HAS3: variants seen among roughly 807,000 people sequenced by gnomAD.
HAS3 encodes the protein hyaluronan synthase 3.
Under a neutral mutation model 50.3 loss-of-function variants are expected in HAS3, and 27 were observed. The ratio of observed to expected loss-of-function variants is 0.54; its 90% CI spans 0.40 to 0.74. The LOEUF is 0.74. Ranked by LOEUF, HAS3 falls within the 30% of genes least tolerant of loss-of-function variation. The probability of loss-of-function intolerance (pLI) is 0.00; values close to 1 mark genes in which losing one functional copy is unlikely to be tolerated. For synonymous variants in HAS3, 339 were observed against 310.9 expected, an observed-to-expected ratio of 1.09 and a Z score of -0.95; for missense variants, 517 against 742.8, an observed-to-expected ratio of 0.70 and a Z score of 3.53.
chr16:69,087,389 C>G, the HAS3 span, among the ~76,000 whole-genome samples: 1 of 152,350 alleles, frequency 6.6e-6, no homozygotes, highest in African/African-American at 2.4e-5. Flanking sequence ...AGTTTCCCCT[C>G]TCTGCTTTGT....
At chr16:69,100,802 G>T (rs546310521), upstream of HAS3, among the ~76,000 whole-genome samples, 12 of 152,344 alleles carry the variant, frequency 7.9e-5, no homozygotes, top group Non-Finnish European at 1.5e-4. Flanking sequence ...GTCAGCTTCA[G>T]TTACCTCCAA....
downstream of HAS3, chr16:69,118,133 A>AC: frequency 6.8e-6 from 1 of 148,006 alleles, no homozygotes; most frequent in South Asian, 5.4e-5. Context: ...CCCCACCCCC[A>AC]CCCTAATTCC....
At position 69,107,422 on chromosome 16, in the gene HAS3, C is replaced by T. The variant is rs1177647975; in HGVS notation, c.-1+1635C>T. The stretch of plus-strand genomic sequence containing the variant: ...CCAGGAAGAGCAGGGCCTGGTCCGA[C>T]TGGGATCCCTTGGGTTTTCCGTTCC... On this transcript the variant is annotated intron_variant, in intron 1 of 3. Coordinates refer to ENST00000569188, the MANE Select transcript of HAS3 (RefSeq NM_001199280.2). The surrounding 1 kb of genome is among the most constrained non-coding windows in gnomAD (Gnocchi z 5.5). 7.1e-6 allele frequency: 7 copies of T among 985,564 alleles called. No individual in the cohort carries two copies. The African/African-American group carries it at 1.2e-4, about 17-fold the overall frequency. The allele number at this position is 985,564 out of a possible 1,614,324, so 61.1% of individuals were successfully genotyped here.
downstream of HAS3, chr16:69,118,634 T>C (rs1417536263): frequency 2.8e-6 from 2 of 702,068 alleles, no homozygotes. Flanking sequence ...ATCCTTTCTC[T>C]CAAGGGCAGG....
At position 69,109,916 on chromosome 16, in the gene HAS3, T is replaced by C. The variant is rs909522232; in HGVS notation, c.521T>C (p.Val174Ala). The change falls in exon 2 of 4, where the codon GTG becomes GCG. Residue 174 changes from valine to alanine, a missense_variant. Transcript: ENST00000569188. The surrounding 1 kb of genome is among the most constrained non-coding windows in gnomAD (Gnocchi z 5.3). ...AGCCTGCAGGAGGGCATGGACCGTG[T>C]GCGGGATGTGGTGCGGGCCAGCACC... ...EASLQEGMDR[V>A]RDVVRASTFS... 1 of 1,614,040 alleles carries C rather than the reference T, an allele frequency of 6.2e-7. No individual in the cohort carries two copies. Among genetic ancestry groups the C allele is most frequent in the Non-Finnish European group, 8.5e-7 (1 of 1,180,000 alleles).
At chr16:69,112,423 T>C (rs1191304902) in intron 2 of HAS3, among the ~76,000 whole-genome samples, 1 of 152,162 alleles carries the variant, frequency 6.6e-6, no homozygotes, top group Non-Finnish European at 1.5e-5. Context: ...TTCTACTGCT[T>C]ATCTGTGGCC....
the HAS3 span, among the ~76,000 whole-genome samples, chr16:69,098,264 A>G: frequency 6.6e-6 from 1 of 152,108 alleles, no homozygotes; most frequent in Non-Finnish European, 1.5e-5. Context: ...CAAGCTACTC[A>G]GGAGGCTGAG....
chr16:69,101,273 TG>T (rs1278199373), upstream of HAS3, among the ~76,000 whole-genome samples: 3 of 152,190 alleles, frequency 2.0e-5, no homozygotes, highest in Admixed American at 6.6e-5. Context: ...CAGGCCCGGC[TG>T]GAACAGGCCC....
chr16:69,106,377 G>C lies in HAS3; in HGVS notation c.-1+590G>C, dbSNP rs1012120066. On this transcript the variant is annotated intron_variant, in intron 1 of 3. Transcript: ENST00000569188. This position sits in a 1 kb window ranked among gnomAD's most constrained non-coding sequence, Gnocchi z 5.5. ...GCCGCGCGGGGCTGCGCCGAGGCCG[G>C]GGCGCGCCGGGTGGCAGGGGTGCCT... 6.8e-6 allele frequency: 1 copy of C among 147,296 alleles called. No homozygotes were observed. Among genetic ancestry groups the C allele is most frequent in the East Asian group, 2.0e-4 (1 of 5,094 alleles). 9.1% of individuals were successfully genotyped at this position (147,296 alleles called of 1,614,324 possible).
At chr16:69,099,952 C>T in the HAS3 span, among the ~76,000 whole-genome samples, 1 of 151,996 alleles carries the variant, frequency 6.6e-6, no homozygotes, top group Non-Finnish European at 1.5e-5. Flanking sequence ...TCTAGTGTGC[C>T]CCTCCTAATC....
chr16:69,091,722 T>C, the HAS3 span, among the ~76,000 whole-genome samples: 2 of 152,336 alleles, frequency 1.3e-5, no homozygotes, highest in East Asian at 1.9e-4. Flanking sequence ...CAAATACTAA[T>C]TAGTGGCTTA....
At chr16:69,091,780 T>TG in the HAS3 span, among the ~76,000 whole-genome samples, 1 of 152,320 alleles carries the variant, frequency 6.6e-6, no homozygotes, top group East Asian at 1.9e-4. Flanking sequence ...AGAGAAATCT[T>TG]GAGCCCCTGC....
At position 69,109,327 on chromosome 16, in the gene HAS3, A is replaced by G. The variant is rs1960913676; in HGVS notation, c.1-69A>G. The G allele has an allele frequency of 4.4e-5, 65 of 1,471,728 alleles. No homozygotes were observed. Among genetic ancestry groups the G allele is most frequent in the Non-Finnish European group, 6.0e-5 (65 of 1,090,712 alleles). 91.2% of individuals were successfully genotyped at this position (1,471,728 alleles called of 1,614,324 possible). On this transcript the variant is annotated intron_variant, in intron 1 of 3. Coordinates refer to ENST00000569188, the MANE Select transcript of HAS3 (RefSeq NM_001199280.2). This position sits in a 1 kb window ranked among gnomAD's most constrained non-coding sequence, Gnocchi z 5.3. ...GTCATGTCCACTAGTAACAGAGAACACCCATGCTCCCACGGACTGGAAATG... is the reference window on the plus strand; with the variant it reads ...GTCATGTCCACTAGTAACAGAGAACGCCCATGCTCCCACGGACTGGAAATG...
rs1008131158 is a variant in HAS3, at chr16:69,115,339, G to C, written c.*73G>C. 1 of 1,475,862 alleles carries C rather than the reference G, an allele frequency of 6.8e-7. No homozygotes were observed. The highest frequency in any genetic ancestry group is 8.9e-7 in the Non-Finnish European group (1 of 1,119,318). 91.4% of individuals were successfully genotyped at this position (1,475,862 alleles called of 1,614,324 possible). On this transcript the variant is annotated 3_prime_UTR_variant, in exon 4 of 4. Transcript: ENST00000569188. ...AGGGGAATGGAAGAGAAAAGACAGG[G>C]TGGGAGGGAGGAGGGAGTGCTGTGT... is the stretch of plus-strand genomic sequence containing the variant.
At chr16:69,086,121 G>A in the HAS3 span, among the ~76,000 whole-genome samples, 1 of 151,854 alleles carries the variant, frequency 6.6e-6, no homozygotes, top group East Asian at 1.9e-4. Flanking sequence ...TCCTTACTCG[G>A]TTTCCTAAAG....
upstream of HAS3, among the ~76,000 whole-genome samples, chr16:69,101,327 GTC>G (rs1375869669): frequency 1.3e-5 from 2 of 152,150 alleles, no homozygotes; most frequent in East Asian, 3.9e-4. Flanking sequence ...TTGAGGCAAA[GTC>G]TTACTCTGTC....
rs1382233544 is a variant in HAS3, at chr16:69,107,685, C to G, written c.1-1711C>G. The G allele has an allele frequency of 1.0e-6, 1 of 985,428 alleles. No individual in the cohort carries two copies. Among genetic ancestry groups the G allele is most frequent in the Non-Finnish European group, 1.2e-6 (1 of 830,024 alleles). 61.0% of individuals were successfully genotyped at this position (985,428 alleles called of 1,614,324 possible). ...GGCAGGCAGGGGGGTCCCGCCGCGC[C>G]CCTTCAGCATGTAAGCTCCGGAGGG... is the stretch of plus-strand genomic sequence containing the variant. On this transcript the variant is annotated intron_variant, in intron 1 of 3. Coordinates refer to ENST00000569188, the MANE Select transcript of HAS3 (RefSeq NM_001199280.2). This position sits in a 1 kb window ranked among gnomAD's most constrained non-coding sequence, Gnocchi z 5.5.
At chr16:69,102,211 A>G (rs868388564), upstream of HAS3, among the ~76,000 whole-genome samples, 8 of 152,222 alleles carry the variant, frequency 5.3e-5, no homozygotes, top group Admixed American at 1.3e-4. Flanking sequence ...CGTTTGTTAA[A>G]TGAGTGTTGT....
intron 3 of HAS3, 134 bp downstream of exon 3, chr16:69,113,676 C>A (rs1051410232): frequency 4.0e-5 from 24 of 604,676 alleles, no homozygotes; most frequent in Non-Finnish European, 6.2e-5. Flanking sequence ...TTTTCACTGA[C>A]ACCAAAGAGC....
Sources: gnomAD v4.1 joint callset for allele counts (sites outside exome capture counted in the v4.1 genomes callset) on GRCh38, gnomAD v4.1.1 for gene constraint, Gnocchi (gnomAD v3.1) non-coding constraint, MANE v1.5 for transcripts, NCBI Gene and HGNC (gene_info 2026-07-23, HGNC 2026-07-21) for gene names.